The following C2CD4D variants were observed in gnomAD, a reference collection of about 807,000 sequenced individuals.
C2CD4D encodes C2 calcium-dependent domain-containing protein 4D.
In C2CD4D, 1 loss-of-function variant was observed where a neutral mutation model predicts 0.2. The observed-to-expected ratio is 4.00, with a 90% CI of 1.42 to 18.99. The LOEUF (loss-of-function observed/expected upper bound fraction) is 18.99. C2CD4D is among the 30% of genes most tolerant of loss of function. The pLI is 0.11. For synonymous variants in C2CD4D, 269 were observed against 279.8 expected, an observed-to-expected ratio of 0.96 and a Z score of 0.39; for missense variants, 552 against 551.2, an observed-to-expected ratio of 1.00 and a Z score of -0.01.
At chr1:151,839,180 C>T (rs1652701152) in exon 2 of C2CD4D, 1 of 584,354 alleles carries the variant, frequency 1.7e-6, no homozygotes, top group African/African-American at 2.0e-5. Flanking sequence ...GCGCGGACCC[C>T]TATTTGAGCA....
exon 2 of C2CD4D, chr1:151,838,219 G>T: frequency 7.0e-7 from 1 of 1,422,766 alleles, no homozygotes; most frequent in Non-Finnish European, 9.2e-7. Context: ...CCACACAGCA[G>T]CCGCCGCCGC....
rs1407577580 is a variant in C2CD4D at position 151,838,640 on chromosome 1, C to A, written c.350G>T (p.Gly117Val). The A allele has an allele frequency of 1.4e-5, 18 of 1,331,252 alleles. No individual in the cohort carries two copies. The highest frequency in any genetic ancestry group is 1.5e-5 in the African/African-American group (1 of 64,940). The allele number at this position is 1,331,252 out of a possible 1,614,324, so 82.5% of individuals were successfully genotyped here. Residue 117 changes from glycine (G) to valine (V), a missense_variant, in exon 2 of 2, where the codon GGA becomes GTA. By Grantham distance (109) the Gly-to-Val change is moderately radical. Transcript: ENST00000454109. ...CAGCCGGGACTGCGCCGCGGGGAGT[C>A]CCCCGGCCGGGGCAGGTGGCGGCCC...
exon 2 of C2CD4D, chr1:151,838,188 C>T (rs1652635444): frequency 1.3e-6 from 2 of 1,549,610 alleles, no homozygotes; most frequent in African/African-American, 1.4e-5. Context: ...CGCGGCCGGA[C>T]GCGGGGCCGC....
At chr1:151,838,178 C>T in exon 2 of C2CD4D, 1 of 1,550,062 alleles carries the variant, frequency 6.5e-7, no homozygotes, top group East Asian at 2.4e-5. Flanking sequence ...CTGCTGCTCC[C>T]GCGGCCGGAC....
chr1:151,838,989 T>G, exon 2 of C2CD4D: 1 of 1,549,966 alleles, frequency 6.5e-7, no homozygotes, highest in Non-Finnish European at 8.7e-7. Flanking sequence ...AAGAGCCACA[T>G]GCGGTGGGTG....
At chr1:151,838,711 G>C in exon 2 of C2CD4D, 1 of 1,368,110 alleles carries the variant, frequency 7.3e-7, no homozygotes, top group Non-Finnish European at 9.4e-7. Flanking sequence ...TCTCGGGCAG[G>C]AAGGCCCAGC....
In C2CD4D at chr1:151,838,421, GGCGGCCCGGC is replaced by G; in HGVS notation, c.559_568del (p.Ala187ProfsTer49). 1.4e-6 allele frequency: 2 copies of G among 1,428,376 alleles called. No individual in the cohort carries two copies. Among genetic ancestry groups the G allele is most frequent in the Non-Finnish European group, 1.8e-6 (2 of 1,093,914 alleles). 88.5% of individuals were successfully genotyped at this position (1,428,376 alleles called of 1,614,324 possible). A position where few individuals can be genotyped will look rare whatever the true frequency, so the allele number is the denominator to read the frequency against. ...GTCCAGGTGGAAGAGCGGCGGCGTGGGCGGCCCGGCGCGGCGCGGCGAGTGCGGGCTGGTA... is the reference window on the plus strand; with the variant it reads ...GTCCAGGTGGAAGAGCGGCGGCGTGGGCGGCGCGGCGAGTGCGGGCTGGTA... On this transcript the variant is annotated frameshift_variant, in exon 2 of 2. Coordinates refer to ENST00000454109, the Ensembl canonical transcript of C2CD4D. LOFTEE classifies it low-confidence loss of function (END_TRUNC).
exon 2 of C2CD4D, chr1:151,838,020 C>G: frequency 6.4e-7 from 1 of 1,551,470 alleles, no homozygotes; most frequent in Non-Finnish European, 8.7e-7. Flanking sequence ...GTCTCGCACT[C>G]CCCCAGCAGC....
At chr1:151,838,615 C>G (rs1652663867) in exon 2 of C2CD4D, 3 of 1,315,106 alleles carry the variant, frequency 2.3e-6, no homozygotes, top group East Asian at 6.3e-5. Context: ...CGGAGACGTG[C>G]AGCCGGGACT....
chr1:151,838,398 C>G, exon 2 of C2CD4D: 2 of 1,440,548 alleles, frequency 1.4e-6, no homozygotes, highest in Non-Finnish European at 9.1e-7. Context: ...CACAGGAAGT[C>G]CAGGTGGAAG....
Position 151,839,656 on chromosome 1 carries a change from G to A in C2CD4D, c.-231-436C>T, listed in dbSNP as rs1445733519. ...CCTCGAGTCGCTCCAAGCCAGAAGA[G>A]GACTCACTTCTGCTCCTGGCAGCCA... On this transcript the variant is annotated intron_variant, in intron 1 of 1. Coordinates refer to ENST00000454109, the Ensembl canonical transcript of C2CD4D. Among the ~76,000 whole-genome samples the A allele has an allele frequency of 6.6e-6, 1 of 152,104 alleles. No homozygotes were observed. The highest frequency in any genetic ancestry group is 2.4e-5 in the African/African-American group (1 of 41,436).
At chr1:151,838,303 G>T (rs936591379) in exon 2 of C2CD4D, 1 of 1,388,518 alleles carries the variant, frequency 7.2e-7, no homozygotes. Context: ...GCCCGGGCCC[G>T]GCCTGATATT....
In C2CD4D at chr1:151,837,956, G is replaced by T. The variant is rs1652624028; in HGVS notation, c.1034C>A (p.Ser345Tyr). ...CAGGCTGAGATGGGTGGGCGCCAGGGATGACCCGGGACCTAGTCCCCCACC... is the reference window on the plus strand; with the variant it reads ...CAGGCTGAGATGGGTGGGCGCCAGGTATGACCCGGGACCTAGTCCCCCACC... The change falls in exon 2 of 2, where the codon TCC becomes TAC. Residue 345 changes from serine (S) to tyrosine (Y), a missense_variant. Ser to Tyr is a moderately radical substitution (Grantham distance 144, BLOSUM62 -2). Transcript: ENST00000454109. 6.5e-7 allele frequency: 1 copy of T among 1,544,202 alleles called. No homozygotes were observed. Among genetic ancestry groups the T allele is most frequent in the Non-Finnish European group, 8.8e-7 (1 of 1,142,236 alleles).
exon 2 of C2CD4D, chr1:151,838,600 C>T (rs1652660420): frequency 1.5e-6 from 2 of 1,314,802 alleles, no homozygotes; most frequent in Non-Finnish European, 1.9e-6. Context: ...GGCGCAGGTC[C>T]GGGGCGGAGA....
rs757353692 is a variant in C2CD4D at position 151,838,751 on chromosome 1, C to CGGGG, written c.238_239insCCCC (p.Cys80SerfsTer278). 1.5e-4 allele frequency: 200 copies of CGGGG among 1,334,260 alleles called. 1 individual carries two copies. The Middle Eastern group carries it at 1.7e-3, about 11-fold the overall frequency. The allele number at this position is 1,334,260 out of a possible 1,614,324, so 82.7% of individuals were successfully genotyped here. A position where few individuals can be genotyped will look rare whatever the true frequency, so the allele number is the denominator to read the frequency against. On this transcript the variant is annotated frameshift_variant, in exon 2 of 2. Coordinates refer to ENST00000454109, the Ensembl canonical transcript of C2CD4D. LOFTEE classifies it low-confidence loss of function (END_TRUNC). ...GCGGCCCGCCAGGTGAGGCAGCGAG[C>CGGGG]AGGTCGCGGGGAGGCCGCGCCCCGC...
chr1:151,837,938 AG>A lies in C2CD4D; in HGVS notation c.1051del (p.Leu351SerfsTer?). The A allele has an allele frequency of 2.0e-6, 3 of 1,535,748 alleles. No individual in the cohort carries two copies. The highest frequency in any genetic ancestry group is 2.6e-6 in the Non-Finnish European group (3 of 1,136,866). Reference sequence around the variant, plus strand: ...AGCCAGGGGCTCAGGCTACAGGCTGAGATGGGTGGGCGCCAGGGATGACCCG... The same window carrying A: ...AGCCAGGGGCTCAGGCTACAGGCTGAATGGGTGGGCGCCAGGGATGACCCG... On this transcript the variant is annotated frameshift_variant, in exon 2 of 2. Coordinates refer to ENST00000454109, the Ensembl canonical transcript of C2CD4D. LOFTEE classifies it high-confidence loss of function.
chr1:151,838,505 C>T (rs1168549467), exon 2 of C2CD4D: 2 of 1,374,400 alleles, frequency 1.5e-6, no homozygotes, highest in South Asian at 1.7e-5. Context: ...CCTGGACACC[C>T]GGCGCCGGCC....
chr1:151,837,976 C>T (rs1171086663), exon 2 of C2CD4D: 15 of 1,549,408 alleles, frequency 9.7e-6, no homozygotes, highest in African/African-American at 1.4e-5. Flanking sequence ...GACCTAGTCC[C>T]CCACCCAGCG....
rs202136084 is a variant in C2CD4D, at chr1:151,839,905, T to C, written c.-232+298A>G. Reference sequence around the variant, plus strand: ...GAAACCACCGAGCACAAAGGCAGCATTGATTCTCCGCCACCCTCAGAGCGG... The same window carrying C: ...GAAACCACCGAGCACAAAGGCAGCACTGATTCTCCGCCACCCTCAGAGCGG... On this transcript the variant is annotated intron_variant, in intron 1 of 1. Transcript: ENST00000454109. 5.3e-5 allele frequency among the ~76,000 whole-genome samples: 8 copies of C among 152,174 alleles called. No homozygotes were observed. The East Asian group carries it at 1.6e-3, about 30-fold the overall frequency.
Sources: allele counts gnomAD v4.1 joint callset (sites outside exome capture counted in the v4.1 genomes callset), GRCh38; gene constraint gnomAD v4.1.1; transcripts MANE v1.5; gene names NCBI Gene and HGNC (gene_info 2026-07-23, HGNC 2026-07-21).